AKAP7: variants seen among roughly 807,000 people sequenced by gnomAD.
AKAP7 encodes the protein A-kinase anchoring protein 7.
A neutral mutation model predicts 39.5 loss-of-function variants in AKAP7; 39 were observed. That is an observed-to-expected ratio of 0.99 (90% CI 0.76 to 1.29). AKAP7 has a LOEUF of 1.29. Ranked by LOEUF, AKAP7 falls within the 50% of genes most tolerant of loss-of-function variation. The pLI, the probability that AKAP7 is intolerant of heterozygous loss-of-function variation, is 0.00. For missense variants in AKAP7, 414 were observed against 407.7 expected, an observed-to-expected ratio of 1.02 and a Z score of -0.13; for synonymous variants, 140 against 139.1, an observed-to-expected ratio of 1.01 and a Z score of -0.05.
intron 7 of AKAP7, among the ~76,000 whole-genome samples, chr6:131,238,058 C>T (rs1438242048): frequency 1.3e-5 from 2 of 151,926 alleles, no homozygotes; most frequent in Non-Finnish European, 2.9e-5. Context: ...TATAAATTTC[C>T]CTCTACACAC....
rs373801739 is a variant in AKAP7, at chr6:131,241,625, G to A, written c.850+21817G>A. Among the ~76,000 whole-genome samples, 230 of 65,090 alleles carry A rather than the reference G, an allele frequency of 3.5e-3. 1 individual carries two copies. Among genetic ancestry groups the A allele is most frequent in the Middle Eastern group, 0.018 (3 of 166 alleles). The allele number at this position is 65,090 out of a possible 152,430, so 42.7% of individuals were successfully genotyped here. On this transcript the variant is annotated intron_variant, in intron 7 of 7. Transcript: ENST00000431975. ...TGTGTGTGTGTGTGTGTGTGTGTGT[G>A]TGTATATATATATGACAGTTATAGG...
intron 5 of AKAP7, among the ~76,000 whole-genome samples, chr6:131,171,024 A>G (rs1165327771): frequency 6.6e-6 from 1 of 152,196 alleles, no homozygotes; most frequent in African/African-American, 2.4e-5. Flanking sequence ...TCATTTTAGC[A>G]AAGGTTTTTA....
At chr6:131,159,129 T>C (rs1399661345) in intron 2 of AKAP7, among the ~76,000 whole-genome samples, 1 of 152,084 alleles carries the variant, frequency 6.6e-6, no homozygotes, top group Non-Finnish European at 1.5e-5. Flanking sequence ...AGTCTCCCTA[T>C]GTCGCCCAGG....
upstream of AKAP7, among the ~76,000 whole-genome samples, chr6:131,133,844 A>G (rs1472868531): frequency 1.3e-5 from 2 of 152,200 alleles, no homozygotes; most frequent in Non-Finnish European, 2.9e-5. Context: ...AAGTGTGGAG[A>G]GGCTAGACAA....
chr6:131,137,391 T>G (rs922693797), intron 1 of AKAP7: 3 of 151,940 alleles, frequency 2.0e-5, no homozygotes, highest in African/African-American at 7.3e-5. Flanking sequence ...TCTCTTTTTT[T>G]TTTTTTTAGA....
At chr6:131,153,637 A>G (rs1192332139) in intron 2 of AKAP7, among the ~76,000 whole-genome samples, 2 of 152,202 alleles carry the variant, frequency 1.3e-5, no homozygotes, top group African/African-American at 2.4e-5. Flanking sequence ...GTAGTGTTAA[A>G]TAGGTAAGGT....
intron 7 of AKAP7, among the ~76,000 whole-genome samples, chr6:131,261,314 T>TA (rs1414221229): frequency 5.9e-5 from 9 of 152,170 alleles, no homozygotes; most frequent in South Asian, 4.1e-4. Flanking sequence ...TACATTGTTG[T>TA]AACACTTACA....
At chr6:131,157,675 T>G (rs1324749068) in intron 2 of AKAP7, among the ~76,000 whole-genome samples, 1 of 152,222 alleles carries the variant, frequency 6.6e-6, no homozygotes, top group African/African-American at 2.4e-5. Context: ...CACATAATTC[T>G]TATAACACAG....
At chr6:131,172,257 G>T (rs1296863257) in intron 5 of AKAP7, among the ~76,000 whole-genome samples, 1 of 152,182 alleles carries the variant, frequency 6.6e-6, no homozygotes, top group Non-Finnish European at 1.5e-5. Context: ...GTAGAGACAT[G>T]TAGGAATAAA....
At chr6:131,242,247 AT>A in intron 7 of AKAP7, 1 of 952,824 alleles carries the variant, frequency 1.0e-6, no homozygotes. Context: ...TCACAGTTTT[AT>A]ATTTGGTACC....
chr6:131,282,335 C>A lies in AKAP7; in HGVS notation c.*609C>A. ...CAACATTTTAAAGTTTTTTTAAAAT[C>A]CTATTTTGATAAGTCAGTATGCCAT... is the stretch of plus-strand genomic sequence containing the variant. On this transcript the variant is annotated 3_prime_UTR_variant, in exon 8 of 8. Transcript: ENST00000431975. 7.4e-7 allele frequency: 1 copy of A among 1,352,856 alleles called. No homozygotes were observed. Among genetic ancestry groups the A allele is most frequent in the Non-Finnish European group, 9.5e-7 (1 of 1,053,172 alleles). 83.8% of individuals were successfully genotyped at this position (1,352,856 alleles called of 1,614,324 possible). A position where few individuals can be genotyped will look rare whatever the true frequency, so the allele number is the denominator to read the frequency against.
intron 2 of AKAP7, among the ~76,000 whole-genome samples, chr6:131,155,048 G>C (rs1301075904): frequency 6.6e-6 from 1 of 151,456 alleles, no homozygotes; most frequent in Non-Finnish European, 1.5e-5. Flanking sequence ...GAGAGACAGG[G>C]CCTCACCCTG....
chr6:131,262,507 CA>C (rs1182156467), intron 7 of AKAP7, among the ~76,000 whole-genome samples: 2 of 151,512 alleles, frequency 1.3e-5, no homozygotes, highest in Non-Finnish European at 2.9e-5. Context: ...TCTTTTGGGA[CA>C]AAAAACAATA....
At chr6:131,144,341 C>T (rs981023832) in intron 1 of AKAP7, among the ~76,000 whole-genome samples, 1 of 152,106 alleles carries the variant, frequency 6.6e-6, no homozygotes, top group South Asian at 2.1e-4. Flanking sequence ...TAGCCATATT[C>T]TTAATGGACT....
Position 131,281,105 on chromosome 6 carries a change from A to G in AKAP7, c.851-425A>G, listed in dbSNP as rs1191700596. On this transcript the variant is annotated intron_variant, in intron 7 of 7. Transcript: ENST00000431975. The surrounding 1 kb of genome is among the most constrained non-coding windows in gnomAD (Gnocchi z 4.0). The stretch of plus-strand genomic sequence containing the variant: ...ATTTTTAAATTAGTGATCTTAAGTA[A>G]TGAGATGCTAGGGAAATCTTGATGA... 6.6e-6 allele frequency among the ~76,000 whole-genome samples: 1 copy of G among 152,232 alleles called. No individual in the cohort carries two copies. The highest frequency in any genetic ancestry group is 1.5e-5 in the Non-Finnish European group (1 of 68,032).
intron 7 of AKAP7, among the ~76,000 whole-genome samples, chr6:131,265,997 C>T (rs1394372432): frequency 6.6e-6 from 1 of 152,144 alleles, no homozygotes; most frequent in Non-Finnish European, 1.5e-5. Flanking sequence ...AGTTTGGGGG[C>T]TTAATGAGCA....
intron 7 of AKAP7, among the ~76,000 whole-genome samples, chr6:131,279,433 T>C (rs1198826410): frequency 3.9e-5 from 6 of 152,172 alleles, no homozygotes; most frequent in Non-Finnish European, 7.3e-5. Flanking sequence ...CACGCCCAGC[T>C]AATTTTTGTA....
intron 5 of AKAP7, among the ~76,000 whole-genome samples, chr6:131,170,960 A>G (rs940704663): frequency 1.3e-5 from 2 of 152,332 alleles, no homozygotes; most frequent in Middle Eastern, 3.4e-3. Flanking sequence ...CAGCATTTCA[A>G]TTGGGTTGCA....
chr6:131,144,256 C>T (rs1315748868), intron 1 of AKAP7, among the ~76,000 whole-genome samples: 1 of 151,876 alleles, frequency 6.6e-6, no homozygotes, highest in African/African-American at 2.4e-5. Context: ...CATCATGGCC[C>T]ATCCCCAATG....
Sources: allele counts gnomAD v4.1 joint callset (sites outside exome capture counted in the v4.1 genomes callset), GRCh38; gene constraint gnomAD v4.1.1; non-coding constraint Gnocchi (gnomAD v3.1); transcripts MANE v1.5; gene names NCBI Gene and HGNC (gene_info 2026-07-23, HGNC 2026-07-21).